ANXA13: variants seen among roughly 807,000 people sequenced by gnomAD.
The protein encoded by ANXA13 is annexin XIII.
ANXA13 carries 36 observed loss-of-function variants against 46.6 expected under a neutral mutation model. The ratio of observed to expected loss-of-function variants is 0.77; its 90% CI spans 0.59 to 1.02. ANXA13 has a LOEUF of 1.02. Among genes scored for constraint, ANXA13 ranks in the 50% least tolerant of loss-of-function variants. The pLI is 0.00. For missense variants in ANXA13, 417 were observed against 396.5 expected, an observed-to-expected ratio of 1.05 and a Z score of -0.44; for synonymous variants, 163 against 152.9, an observed-to-expected ratio of 1.07 and a Z score of -0.49.
chr8:123,722,183 A>G (rs1813887262), intron 1 of ANXA13, among the ~76,000 whole-genome samples: 1 of 151,852 alleles, frequency 6.6e-6, no homozygotes, highest in Admixed American at 6.6e-5. Context: ...GGTGTGTGCC[A>G]GTAGTCCCAG....
intron 2 of ANXA13, among the ~76,000 whole-genome samples, chr8:123,709,306 A>C: frequency 6.8e-6 from 1 of 147,436 alleles, no homozygotes. Context: ...TTGCACATTC[A>C]CTCTCCCTCC....
At chr8:123,721,008 T>C (rs1173869175) in intron 1 of ANXA13, among the ~76,000 whole-genome samples, 1 of 152,244 alleles carries the variant, frequency 6.6e-6, no homozygotes, top group Admixed American at 6.5e-5. Flanking sequence ...CAAAACTTTG[T>C]ACCAGTTGAA....
At position 123,692,675 on chromosome 8, in the gene ANXA13, C is replaced by T. The variant is rs1813263392; in HGVS notation, c.642+522G>A. On this transcript the variant is annotated intron_variant, in intron 8 of 10. Transcript: ENST00000419625. ...GTAGCAAACATTAGTATGCTTGCCACATGCCAGCTCAACTGTTCTGAGTCT... is the reference window on the plus strand; with the variant it reads ...GTAGCAAACATTAGTATGCTTGCCATATGCCAGCTCAACTGTTCTGAGTCT... 2.0e-5 allele frequency among the ~76,000 whole-genome samples: 3 copies of T among 152,198 alleles called. No individual in the cohort carries two copies. The South Asian group carries it at 6.2e-4, about 31-fold the overall frequency.
chr8:123,698,693 G>T, intron 3 of ANXA13, 134 bp from the exon 4 acceptor site: 2 of 919,500 alleles, frequency 2.2e-6, no homozygotes, highest in African/African-American at 1.6e-5. Flanking sequence ...CCTGCAACCT[G>T]CTGAGAACAT....
At chr8:123,704,028 A>C (rs1422929107) in intron 2 of ANXA13, among the ~76,000 whole-genome samples, 1 of 152,162 alleles carries the variant, frequency 6.6e-6, no homozygotes. Flanking sequence ...CACCTCTAAG[A>C]TGAGGGTAAT....
intron 9 of ANXA13, among the ~76,000 whole-genome samples, chr8:123,686,470 A>AGAAAG (rs1554591808): frequency 6.7e-6 from 1 of 148,806 alleles, no homozygotes; most frequent in Non-Finnish European, 1.5e-5. Context: ...AAAAAAAAAA[A>AGAAAG]AAAGAAAGAA....
intron 4 of ANXA13, among the ~76,000 whole-genome samples, chr8:123,697,674 C>T (rs1353877679): frequency 6.6e-5 from 10 of 152,184 alleles, no homozygotes; most frequent in Non-Finnish European, 1.5e-4. Context: ...CTGGCATTTT[C>T]CTTGCTGGGC....
chr8:123,698,507 G>A lies in ANXA13; in HGVS notation c.239C>T (p.Ala80Val), dbSNP rs1158464506. ...GCTGGGACGGTCCAGAAGGGCCAAC[G>A]CTGTCTTCTCGAAGTTTCCACTCAG... ...SELSGNFEKT[A>V]LALLDRPSEY... The change falls in exon 4 of 11, where the codon GCG becomes GTG. Residue 80 changes from alanine to valine, a missense_variant. Coordinates refer to ENST00000419625, the MANE Select transcript of ANXA13 (RefSeq NM_004306.4). The A allele has an allele frequency of 2.3e-5, 37 of 1,614,088 alleles. No homozygotes were observed. Among genetic ancestry groups the A allele is most frequent in the East Asian group, 6.7e-5 (3 of 44,894 alleles).
At chr8:123,693,633 G>T in intron 7 of ANXA13, 78 bp downstream of exon 7, 1 of 1,295,378 alleles carries the variant, frequency 7.7e-7, no homozygotes, top group Non-Finnish European at 1.1e-6. Context: ...CTCTTTGCAT[G>T]AAATAAACAT....
intron 3 of ANXA13, among the ~76,000 whole-genome samples, chr8:123,702,206 G>T (rs1813457796): frequency 6.6e-6 from 1 of 151,962 alleles, no homozygotes; most frequent in African/African-American, 2.4e-5. Flanking sequence ...TGAAAGAAAA[G>T]AAAGAAAATG....
In ANXA13 at chr8:123,681,306, G is replaced by C. The variant is rs781127320; in HGVS notation, c.885C>G (p.Leu295=). The change falls in exon 11 of 11, where the codon CTC becomes CTG. Residue 295 remains leucine, a synonymous_variant. Coordinates refer to ENST00000419625, the MANE Select transcript of ANXA13 (RefSeq NM_004306.4). ...AKFQEKYQKS[L]SDMVRSDTSG... ...AGGTATCTGAGCGAACCATGTCAGA[G>C]AGAGACTTCTGATACTTCTCTTGGA... 1.9e-5 allele frequency: 30 copies of C among 1,614,038 alleles called. No individual in the cohort carries two copies. Among genetic ancestry groups the C allele is most frequent in the Non-Finnish European group, 2.5e-5 (30 of 1,179,982 alleles).
chr8:123,737,301 A>G lies in ANXA13; in HGVS notation c.15+19T>C, dbSNP rs368550303. On this transcript the variant is annotated intron_variant, in intron 1 of 10. Coordinates refer to ENST00000419625, the MANE Select transcript of ANXA13 (RefSeq NM_004306.4). ...CTAACCAAAATTAAAACCAATTCCC[A>G]AAGGCAATGAGTACTTACATGACGA... 56 of 1,606,510 alleles carry G rather than the reference A, an allele frequency of 3.5e-5. No homozygotes were observed. The highest frequency in any genetic ancestry group is 5.1e-5 in the Admixed American group (3 of 59,186).
rs1226402550 is a variant in ANXA13 at position 123,684,646 on chromosome 8, C to G, written c.795G>C (p.Glu265Asp). The G allele has an allele frequency of 6.2e-7, 1 of 1,614,160 alleles. No individual in the cohort carries two copies. The highest frequency in any genetic ancestry group is 1.7e-5 in the Admixed American group (1 of 60,026). ...TCACGACTATGCGAATCAACGTCTCCTCATCGGTCCCCGCACCCTTCATCG... is the reference window on the plus strand; with the variant it reads ...TCACGACTATGCGAATCAACGTCTCGTCATCGGTCCCCGCACCCTTCATCG... ...YKSMKGAGTD[E>D]ETLIRIVVTR... is the part of the protein sequence containing the mutation. Residue 265 changes from glutamate to aspartate, a missense_variant, in exon 10 of 11, where the codon GAG (glutamate) becomes GAC (aspartate). Transcript: ENST00000419625.
intron 8 of ANXA13, among the ~76,000 whole-genome samples, chr8:123,691,969 C>T (rs1258370346): frequency 6.6e-6 from 1 of 152,198 alleles, no homozygotes; most frequent in African/African-American, 2.4e-5. Flanking sequence ...TCCTCCAGCT[C>T]AGAGGCTACG....
chr8:123,707,233 T>A (rs1347526971), intron 2 of ANXA13, among the ~76,000 whole-genome samples: 1 of 152,230 alleles, frequency 6.6e-6, no homozygotes, highest in Non-Finnish European at 1.5e-5. Context: ...GAAGTTTGCA[T>A]GTCATCACGA....
intron 2 of ANXA13, among the ~76,000 whole-genome samples, chr8:123,702,959 G>T (rs1813472400): frequency 6.6e-6 from 1 of 152,136 alleles, no homozygotes; most frequent in Admixed American, 6.5e-5. Flanking sequence ...GGCACACAGT[G>T]CTAGGCATTG....
At chr8:123,685,419 C>A (rs900502242) in intron 9 of ANXA13, among the ~76,000 whole-genome samples, 1 of 152,128 alleles carries the variant, frequency 6.6e-6, no homozygotes, top group Non-Finnish European at 1.5e-5. Context: ...GGGTGCATCT[C>A]TTCTCCTGGG....
intron 2 of ANXA13, among the ~76,000 whole-genome samples, chr8:123,709,829 C>G (rs759304913): frequency 5.9e-5 from 9 of 152,280 alleles, no homozygotes; most frequent in Admixed American, 1.3e-4. Flanking sequence ...GCCATCTCAG[C>G]TCAACTGCAA....
intron 1 of ANXA13, among the ~76,000 whole-genome samples, chr8:123,723,168 G>GC (rs1025652587): frequency 4.6e-5 from 7 of 152,166 alleles, no homozygotes; most frequent in African/African-American, 1.4e-4. Flanking sequence ...TTCCCAAGGG[G>GC]CCCATCAGTG....
Sources: allele counts gnomAD v4.1 joint callset (sites outside exome capture counted in the v4.1 genomes callset), GRCh38; gene constraint gnomAD v4.1.1; transcripts MANE v1.5; gene names NCBI Gene and HGNC (gene_info 2026-07-23, HGNC 2026-07-21).